Variants in HMGCLL1 observed in about 807,000 individuals in gnomAD.
HMGCLL1 encodes 3-hydroxy-3-methylglutaryl-CoA lyase like 1, also known as 3-hydroxymethyl-3-methylglutaryl-CoA lyase, cytoplasmic.
A neutral mutation model predicts 39.1 loss-of-function variants in HMGCLL1; 36 were observed. The observed-to-expected ratio is 0.92, with a 90% CI of 0.71 to 1.22. The LOEUF (loss-of-function observed/expected upper bound fraction) is 1.22. HMGCLL1 is among the 50% of genes most tolerant of loss of function. The probability of loss-of-function intolerance (pLI) is 0.00; values close to 1 mark genes in which losing one functional copy is unlikely to be tolerated. For synonymous variants in HMGCLL1, 149 were observed against 144.0 expected, an observed-to-expected ratio of 1.03 and a Z score of -0.25; for missense variants, 451 against 416.5, an observed-to-expected ratio of 1.08 and a Z score of -0.72.
chr6:55,475,079 C>G (rs966084497), intron 7 of HMGCLL1, among the ~76,000 whole-genome samples: 1 of 151,492 alleles, frequency 6.6e-6, no homozygotes, highest in Admixed American at 6.6e-5. Flanking sequence ...CCAAGTGTTT[C>G]TCCAGTGGTA....
chr6:55,616,518 A>G, the HMGCLL1 span, among the ~76,000 whole-genome samples: 1 of 152,102 alleles, frequency 6.6e-6, no homozygotes, highest in Non-Finnish European at 1.5e-5. Flanking sequence ...AGCTGAATAA[A>G]TGGATACTGT....
At chr6:55,640,736 ATATAT>A in the HMGCLL1 span, among the ~76,000 whole-genome samples, 1 of 151,512 alleles carries the variant, frequency 6.6e-6, no homozygotes. Flanking sequence ...TATTTGTGAC[ATATAT>A]TATATTACAA....
the HMGCLL1 span, among the ~76,000 whole-genome samples, chr6:55,621,558 A>G: frequency 6.6e-6 from 1 of 151,670 alleles, no homozygotes; most frequent in Admixed American, 6.6e-5. Context: ...CGTGCTCCTT[A>G]TGAGACTCTA....
the HMGCLL1 span, among the ~76,000 whole-genome samples, chr6:55,622,336 C>T: frequency 1.1e-4 from 16 of 152,000 alleles, no homozygotes; most frequent in African/African-American, 3.6e-4. Flanking sequence ...TTGGCATCCT[C>T]GCTGTGTTCC....
chr6:55,670,052 G>C, the HMGCLL1 span, among the ~76,000 whole-genome samples: 1 of 151,748 alleles, frequency 6.6e-6, no homozygotes, highest in South Asian at 2.1e-4. Context: ...TCATCATAAT[G>C]ACAATACTGA....
rs75163111 is a variant in HMGCLL1, at chr6:55,506,181, G to C, written c.543-6882C>G. 2.7e-4 allele frequency among the ~76,000 whole-genome samples: 41 copies of C among 151,808 alleles called. No individual in the cohort carries two copies. In the East Asian group the frequency reaches 7.6e-3, roughly 28 times the overall value. On this transcript the variant is annotated intron_variant, in intron 5 of 8. Coordinates refer to ENST00000274901, the MANE Select transcript of HMGCLL1 (RefSeq NM_001042406.2). ...CTAACTACAAGCTCAGACCCGGGAA[G>C]CCAGACATAGAGACTGGTTCAGACT... is the stretch of plus-strand genomic sequence containing the variant.
chr6:55,606,069 A>T, the HMGCLL1 span, among the ~76,000 whole-genome samples: 1 of 152,136 alleles, frequency 6.6e-6, no homozygotes, highest in South Asian at 2.1e-4. Flanking sequence ...TACAAAGATC[A>T]TTCTCCTGTG....
the HMGCLL1 span, among the ~76,000 whole-genome samples, chr6:55,648,335 A>G: frequency 6.7e-6 from 1 of 150,364 alleles, no homozygotes; most frequent in Admixed American, 6.7e-5. Context: ...CACATTCAAA[A>G]GCTAGCAGAA....
At chr6:55,495,136 G>A (rs1018377240) in intron 7 of HMGCLL1, among the ~76,000 whole-genome samples, 3 of 152,102 alleles carry the variant, frequency 2.0e-5, no homozygotes, top group Non-Finnish European at 4.4e-5. Flanking sequence ...AGAATATGAG[G>A]AGAGAAACAA....
At chr6:55,522,598 C>A (rs1768094417) in intron 3 of HMGCLL1, among the ~76,000 whole-genome samples, 1 of 152,002 alleles carries the variant, frequency 6.6e-6, no homozygotes, top group Admixed American at 6.6e-5. Flanking sequence ...CCCCGCTGCA[C>A]CGGCCCTGAA....
intron 7 of HMGCLL1, among the ~76,000 whole-genome samples, chr6:55,452,855 A>AAG (rs1301604725): frequency 2.0e-5 from 3 of 152,192 alleles, no homozygotes; most frequent in Non-Finnish European, 4.4e-5. Context: ...CTTGGCAGAG[A>AAG]AGATATTCAT....
At chr6:55,645,698 T>C in the HMGCLL1 span, among the ~76,000 whole-genome samples, 400 of 152,096 alleles carry the variant, frequency 2.6e-3, 3 homozygotes, top group African/African-American at 9.2e-3. Context: ...GATGATTCCG[T>C]TGATTGATTT....
At chr6:55,609,553 G>T in the HMGCLL1 span, among the ~76,000 whole-genome samples, 2 of 152,172 alleles carry the variant, frequency 1.3e-5, no homozygotes, top group Middle Eastern at 3.4e-3. Flanking sequence ...TAGGAGAAGG[G>T]GTAACCATAG....
chr6:55,604,860 C>T, the HMGCLL1 span, among the ~76,000 whole-genome samples: 1 of 152,124 alleles, frequency 6.6e-6, no homozygotes, highest in Non-Finnish European at 1.5e-5. Flanking sequence ...ATATTGTAAG[C>T]ATTTTTACAT....
At chr6:55,597,627 T>G in the HMGCLL1 span, among the ~76,000 whole-genome samples, 5 of 152,090 alleles carry the variant, frequency 3.3e-5, no homozygotes, top group Non-Finnish European at 7.4e-5. Flanking sequence ...CTCCGCTTTT[T>G]TCATTATATT....
At chr6:55,559,687 C>G (rs1207730681) in intron 1 of HMGCLL1, among the ~76,000 whole-genome samples, 2 of 152,156 alleles carry the variant, frequency 1.3e-5, no homozygotes, top group Non-Finnish European at 2.9e-5. Context: ...TTTAGACATA[C>G]TGCCTAATTA....
At chr6:55,592,122 G>A in the HMGCLL1 span, among the ~76,000 whole-genome samples, 1 of 151,908 alleles carries the variant, frequency 6.6e-6, no homozygotes, top group African/African-American at 2.4e-5. Flanking sequence ...AGGGAAGGAG[G>A]TCAGGGAGAG....
chr6:55,477,384 TCTAA>T (rs1287141372), intron 7 of HMGCLL1, among the ~76,000 whole-genome samples: 93 of 31,686 alleles, frequency 2.9e-3, no homozygotes, highest in Admixed American at 5.3e-3. Flanking sequence ...ATATATATTA[TCTAA>T]ATATAATATA....
chr6:55,557,743 T>C (rs1770747632), intron 1 of HMGCLL1, among the ~76,000 whole-genome samples: 1 of 152,142 alleles, frequency 6.6e-6, no homozygotes, highest in Non-Finnish European at 1.5e-5. Flanking sequence ...GCTCATTCCA[T>C]GTAAACCTAA....
Sources: gnomAD v4.1 joint callset for allele counts (sites outside exome capture counted in the v4.1 genomes callset) on GRCh38, gnomAD v4.1.1 for gene constraint, MANE v1.5 for transcripts, NCBI Gene and HGNC (gene_info 2026-07-23, HGNC 2026-07-21) for gene names.